Variants in MAP3K2 observed in about 807,000 individuals in gnomAD.
MAP3K2 encodes the protein MAP/ERK kinase kinase 2.
In MAP3K2, 24 loss-of-function variants were observed where a neutral mutation model predicts 80.3. The observed-to-expected ratio is 0.30, with a 90% CI of 0.22 to 0.42. MAP3K2 has a LOEUF of 0.42. Ranked by LOEUF, MAP3K2 falls within the 10% of genes least tolerant of loss-of-function variation. The pLI, the probability that MAP3K2 is intolerant of heterozygous loss-of-function variation, is 1.00. For synonymous variants in MAP3K2, 244 were observed against 253.7 expected, an observed-to-expected ratio of 0.96 and a Z score of 0.36; for missense variants, 608 against 750.1, an observed-to-expected ratio of 0.81 and a Z score of 2.21.
intron 1 of MAP3K2, among the ~76,000 whole-genome samples, chr2:127,352,405 T>A (rs1325276079): frequency 6.6e-6 from 1 of 152,150 alleles, no homozygotes; most frequent in Non-Finnish European, 1.5e-5. Context: ...ACTTCCCACA[T>A]CTCACCTGAG....
chr2:127,339,782 T>C lies in MAP3K2; in HGVS notation c.5-732A>G, dbSNP rs1686441951. ...ACCATGTGCCTGCCAGTAATGCCAA[T>C]TATAAGCTCTCCAGAAGACATCAGG... On this transcript the variant is annotated intron_variant, in intron 2 of 16. Coordinates refer to ENST00000682094, the MANE Select transcript of MAP3K2 (RefSeq NM_001371910.2). The surrounding 1 kb of genome is among the most constrained non-coding windows in gnomAD (Gnocchi z 4.2). 6.6e-6 allele frequency among the ~76,000 whole-genome samples: 1 copy of C among 152,204 alleles called. No individual in the cohort carries two copies.
At chr2:127,343,322 C>T in intron 1 of MAP3K2, 128 bp from the exon 2 acceptor site, 1 of 510,144 alleles carries the variant, frequency 2.0e-6, no homozygotes, top group Non-Finnish European at 3.5e-6. Context: ...ACACATTTCG[C>T]TAGGGGGAGG....
At chr2:127,318,617 G>GT (rs1184996663) in intron 12 of MAP3K2, among the ~76,000 whole-genome samples, 1 of 152,090 alleles carries the variant, frequency 6.6e-6, no homozygotes, top group African/African-American at 2.4e-5. Context: ...TCCAAAGACT[G>GT]TAAGATGCAC....
At chr2:127,332,174 T>C (rs867792516) in intron 5 of MAP3K2, among the ~76,000 whole-genome samples, 2 of 152,220 alleles carry the variant, frequency 1.3e-5, no homozygotes, top group African/African-American at 2.4e-5. Context: ...AACACATTTC[T>C]ATTTCCCACC....
chr2:127,317,496 G>T, intron 14 of MAP3K2, 133 bp downstream of exon 14: 1 of 654,826 alleles, frequency 1.5e-6, no homozygotes, highest in Non-Finnish European at 2.4e-6. Flanking sequence ...ATACTACTCA[G>T]CTCTAATTTA....
In MAP3K2 at chr2:127,387,611, G is replaced by C; in HGVS notation, c.-225C>G. The C allele has an allele frequency of 1.0e-6, 1 of 984,962 alleles. No homozygotes were observed. Among genetic ancestry groups the C allele is most frequent in the Non-Finnish European group, 1.2e-6 (1 of 829,780 alleles). The allele number at this position is 984,962 out of a possible 1,614,324, so 61.0% of individuals were successfully genotyped here. ...AGGGGCGCGCGAGGAGTCGGGCGCG[G>C]GCCTTGGGGCCAGGCCCGTCCCTCT... On this transcript the variant is annotated 5_prime_UTR_variant, in exon 1 of 17. Transcript: ENST00000682094.
At position 127,322,054 on chromosome 2, in the gene MAP3K2, G is replaced by C; in HGVS notation, c.1037C>G (p.Pro346Arg). The C allele has an allele frequency of 6.2e-7, 1 of 1,612,706 alleles. No individual in the cohort carries two copies. The highest frequency in any genetic ancestry group is 8.5e-7 in the Non-Finnish European group (1 of 1,179,282). The change falls in exon 12 of 17, where the codon CCC (proline) becomes CGC (arginine). Residue 346 changes from proline (P) to arginine (R), a missense_variant. By Grantham distance (103) the Pro-to-Arg change is moderately radical (BLOSUM62 -2). This residue lies in a region of MAP3K2 where 467 missense variants were observed against 521.9 expected (regional missense o/e 0.89). Coordinates refer to ENST00000682094, the MANE Select transcript of MAP3K2 (RefSeq NM_001371910.2). The surrounding 1 kb of genome is among the most constrained non-coding windows in gnomAD (Gnocchi z 4.2). ...CAAGTTCTATTACTTACAACGGCTG[G>C]GTGGGCTGATGTCCATTACGGTCAA... ...PTLTVMDISP[P>R]SRSPRAPTNW...
chr2:127,335,845 CTAAAGT>C lies in MAP3K2; in HGVS notation c.264+19_264+24del, dbSNP rs772436066. The C allele has an allele frequency of 3.3e-5, 43 of 1,313,770 alleles. No homozygotes were observed. The highest frequency in any genetic ancestry group is 4.4e-5 in the African/African-American group (3 of 68,258). 81.4% of individuals were successfully genotyped at this position (1,313,770 alleles called of 1,614,324 possible). The stretch of plus-strand genomic sequence containing the variant: ...ACATTACTTTTGAAGGTAAGATCTA[CTAAAGT>C]TAAACTGTACATGTTTACCTCGTTA... On this transcript the variant is annotated intron_variant, in intron 5 of 16. Coordinates refer to ENST00000682094, the MANE Select transcript of MAP3K2 (RefSeq NM_001371910.2).
At chr2:127,388,260 G>C (rs1404415757), upstream of MAP3K2, 13 of 984,940 alleles carry the variant, frequency 1.3e-5, no homozygotes, top group Non-Finnish European at 1.4e-5. Flanking sequence ...GGGTTGTCTC[G>C]AGCCTGCGGT....
chr2:127,303,104 C>T lies in MAP3K2; in HGVS notation c.*4475G>A, dbSNP rs998628204. On this transcript the variant is annotated 3_prime_UTR_variant, in exon 17 of 17. Coordinates refer to ENST00000682094, the MANE Select transcript of MAP3K2 (RefSeq NM_001371910.2). ...CTACTAAAAATTAACAATTGGATTG[C>T]TTTTCATTAACATTTAACCAATCTT... 3 of 151,948 alleles carry T rather than the reference C, an allele frequency of 2.0e-5. No homozygotes were observed. The highest frequency in any genetic ancestry group is 2.9e-5 in the Non-Finnish European group (2 of 67,960). The allele number at this position is 151,948 out of a possible 1,614,324, so 9.4% of individuals were successfully genotyped here.
chr2:127,324,626 C>T (rs1686093672), intron 9 of MAP3K2, among the ~76,000 whole-genome samples: 1 of 152,160 alleles, frequency 6.6e-6, no homozygotes, highest in Non-Finnish European at 1.5e-5. Context: ...TAGTGTTTTG[C>T]AAATGGTAAG....
At chr2:127,311,103 C>T (rs541147756) in intron 15 of MAP3K2, among the ~76,000 whole-genome samples, 1 of 152,306 alleles carries the variant, frequency 6.6e-6, no homozygotes, top group East Asian at 1.9e-4. Flanking sequence ...TCTTTCTGTT[C>T]TACCAGCAAA....
At chr2:127,387,104 G>A (rs1687366553) in intron 1 of MAP3K2, among the ~76,000 whole-genome samples, 1 of 152,180 alleles carries the variant, frequency 6.6e-6, no homozygotes, top group Admixed American at 6.5e-5. Flanking sequence ...ACCACACTGT[G>A]ACAGTGCAAA....
chr2:127,328,637 C>T (rs920257091), intron 7 of MAP3K2, among the ~76,000 whole-genome samples: 2 of 152,166 alleles, frequency 1.3e-5, no homozygotes, highest in African/African-American at 4.8e-5. Context: ...GCTTGTGTAT[C>T]ACCTCTGCTG....
intron 15 of MAP3K2, among the ~76,000 whole-genome samples, chr2:127,314,436 A>C (rs1344637816): frequency 6.6e-6 from 1 of 152,222 alleles, no homozygotes; most frequent in Non-Finnish European, 1.5e-5. Flanking sequence ...AATTTGAATC[A>C]GGCCATCTGG....
intron 1 of MAP3K2, among the ~76,000 whole-genome samples, chr2:127,351,249 A>C (rs895085089): frequency 6.6e-6 from 1 of 152,144 alleles, no homozygotes; most frequent in Admixed American, 6.5e-5. Context: ...GGTTCTATCA[A>C]TGCTAACCTC....
At chr2:127,325,153 A>C (rs1686107007) in intron 9 of MAP3K2, among the ~76,000 whole-genome samples, 1 of 152,198 alleles carries the variant, frequency 6.6e-6, no homozygotes, top group Admixed American at 6.5e-5. Context: ...TTTGCCTTCA[A>C]ACACACAATT....
chr2:127,358,675 G>GTTT (rs1353923517), intron 1 of MAP3K2, among the ~76,000 whole-genome samples: 1 of 152,184 alleles, frequency 6.6e-6, no homozygotes, highest in Non-Finnish European at 1.5e-5. Flanking sequence ...ACTGACACCT[G>GTTT]TAATCTCAGC....
chr2:127,310,145 C>T lies in MAP3K2; in HGVS notation c.1457-1383G>A, dbSNP rs899619581. ...ACTACTTTATTTGCCTGCTATTTATCAGTTTCAGCCACTGGAGTTCTTTCC... is the reference window on the plus strand; with the variant it reads ...ACTACTTTATTTGCCTGCTATTTATTAGTTTCAGCCACTGGAGTTCTTTCC... On this transcript the variant is annotated intron_variant, in intron 15 of 16. Transcript: ENST00000682094. The surrounding 1 kb of genome is among the most constrained non-coding windows in gnomAD (Gnocchi z 4.8). 1.9e-4 allele frequency among the ~76,000 whole-genome samples: 29 copies of T among 152,186 alleles called. No homozygotes were observed. Among genetic ancestry groups the T allele is most frequent in the Non-Finnish European group, 2.5e-4 (17 of 68,046 alleles).
Sources: allele counts gnomAD v4.1 joint callset (sites outside exome capture counted in the v4.1 genomes callset), GRCh38; gene constraint gnomAD v4.1.1; regional missense constraint gnomAD v4.1.1; non-coding constraint Gnocchi (gnomAD v3.1); transcripts MANE v1.5; gene names NCBI Gene and HGNC (gene_info 2026-07-23, HGNC 2026-07-21).